The following CSMD1 variants were observed in gnomAD, a reference collection of about 807,000 sequenced individuals.
The protein encoded by CSMD1 is CUB and Sushi multiple domains 1.
Under a neutral mutation model 417.5 loss-of-function variants are expected in CSMD1, and 213 were observed. The ratio of observed to expected loss-of-function variants is 0.51; its 90% CI spans 0.46 to 0.57. The LOEUF is 0.57. Ranked by LOEUF, CSMD1 falls within the 20% of genes least tolerant of loss-of-function variation. CSMD1 has a pLI of 0.00. For synonymous variants in CSMD1, 2,862 were observed against 1,736.8 expected (o/e 1.65, Z -16.11); for missense variants, 6,923 against 4,529.7 (o/e 1.53, Z -15.17).
chr8:4,641,881 T>G (rs1803216310), intron 1 of CSMD1, among the ~76,000 whole-genome samples: 1 of 152,204 alleles, frequency 6.6e-6, no homozygotes, highest in Non-Finnish European at 1.5e-5. Flanking sequence ...AAGTAGCAAT[T>G]GGAAACATAA....
intron 3 of CSMD1, among the ~76,000 whole-genome samples, chr8:4,063,619 C>T (rs2432745): frequency 0.83 from 125,924 of 152,116 alleles, 52,197 homozygotes; most frequent in Admixed American, 0.88. Context: ...TCCAGTTCAG[C>T]GGCTTCCAGC....
At chr8:3,338,119 T>G (rs1807392895) in intron 23 of CSMD1, among the ~76,000 whole-genome samples, 1 of 152,168 alleles carries the variant, frequency 6.6e-6, no homozygotes, top group Admixed American at 6.5e-5. Flanking sequence ...AAGGACCCCC[T>G]TGAGGAGTCT....
intron 5 of CSMD1, among the ~76,000 whole-genome samples, chr8:3,774,001 A>C (rs377398250): frequency 5.5e-4 from 84 of 152,232 alleles, no homozygotes; most frequent in African/African-American, 1.1e-3. Context: ...TAATTCTTTT[A>C]CTTACACAGT....
chr8:3,548,120 A>G (rs970322669), intron 10 of CSMD1, among the ~76,000 whole-genome samples: 3 of 152,174 alleles, frequency 2.0e-5, no homozygotes, highest in Admixed American at 6.5e-5. Context: ...AAGAGCACTG[A>G]TAATTATTGC....
chr8:3,635,793 C>CAAAAAAAAAAAAAAAAAAAAAAAAA (rs752552617), intron 7 of CSMD1, among the ~76,000 whole-genome samples: 4 of 99,278 alleles, frequency 4.0e-5, no homozygotes, highest in Admixed American at 1.0e-4. Flanking sequence ...GCTTCCATCT[C>CAAAAAAAAAAAAAAAAAAAAAAAAA]AAAAAAAAAA....
At chr8:3,576,856 T>C (rs894652677) in intron 9 of CSMD1, among the ~76,000 whole-genome samples, 2 of 152,238 alleles carry the variant, frequency 1.3e-5, no homozygotes, top group Non-Finnish European at 2.9e-5. Flanking sequence ...AAAAAAGTGA[T>C]AATAAACTCT....
intron 7 of CSMD1, among the ~76,000 whole-genome samples, chr8:3,663,806 G>C (rs1252830234): frequency 2.6e-5 from 4 of 152,126 alleles, no homozygotes; most frequent in African/African-American, 9.7e-5. Flanking sequence ...CCTAAAATGT[G>C]TAAAGCCAAA....
At chr8:4,282,759 G>A (rs986303926) in intron 3 of CSMD1, among the ~76,000 whole-genome samples, 4 of 152,106 alleles carry the variant, frequency 2.6e-5, no homozygotes, top group African/African-American at 9.7e-5. Context: ...TGTTTAAATG[G>A]TAGTATTTTG....
At chr8:4,975,237 T>G (rs1451928784) in intron 1 of CSMD1, among the ~76,000 whole-genome samples, 1 of 152,178 alleles carries the variant, frequency 6.6e-6, no homozygotes. Context: ...AGAAAAAAAG[T>G]CTCCAAGGAT....
intron 2 of CSMD1, among the ~76,000 whole-genome samples, chr8:4,432,536 T>A (rs1340880123): frequency 2.0e-5 from 3 of 152,118 alleles, no homozygotes. Context: ...AACACTGTAT[T>A]CTCACAACAT....
At chr8:3,451,718 G>T (rs1157734791) in intron 12 of CSMD1, among the ~76,000 whole-genome samples, 1 of 152,188 alleles carries the variant, frequency 6.6e-6, no homozygotes, top group Non-Finnish European at 1.5e-5. Flanking sequence ...GGTTACGGTA[G>T]CCTTGTAATA....
chr8:4,324,921 G>A (rs991331737), intron 3 of CSMD1, among the ~76,000 whole-genome samples: 2 of 152,072 alleles, frequency 1.3e-5, no homozygotes, highest in Non-Finnish European at 2.9e-5. Context: ...TCTAGGTATG[G>A]GGCCTCTTCA....
chr8:4,492,383 G>C (rs1015790915), intron 2 of CSMD1, among the ~76,000 whole-genome samples: 1 of 152,146 alleles, frequency 6.6e-6, no homozygotes, highest in Non-Finnish European at 1.5e-5. Context: ...CAGTCTGTAG[G>C]ATGCCAAATA....
chr8:3,994,099 G>C (rs1416340171), intron 5 of CSMD1, among the ~76,000 whole-genome samples: 1 of 152,194 alleles, frequency 6.6e-6, no homozygotes, highest in African/African-American at 2.4e-5. Flanking sequence ...GTCTCAGGGA[G>C]CTGAAGCTCA....
intron 3 of CSMD1, among the ~76,000 whole-genome samples, chr8:4,384,917 C>T (rs532304170): frequency 5.3e-5 from 8 of 152,274 alleles, no homozygotes; most frequent in South Asian, 4.1e-4. Context: ...GGATGGCTTC[C>T]AGATCAAGGT....
chr8:4,746,279 T>C (rs1386671558), intron 1 of CSMD1, among the ~76,000 whole-genome samples: 1 of 152,238 alleles, frequency 6.6e-6, no homozygotes, highest in African/African-American at 2.4e-5. Flanking sequence ...GGTGACGTAC[T>C]TAGAGCCTGG....
intron 55 of CSMD1, among the ~76,000 whole-genome samples, chr8:2,975,606 T>A (rs899086089): frequency 2.6e-5 from 4 of 152,168 alleles, no homozygotes; most frequent in African/African-American, 7.2e-5. Flanking sequence ...TTTATCCACA[T>A]AGAGTCCTTA....
intron 8 of CSMD1, among the ~76,000 whole-genome samples, chr8:3,600,984 G>C (rs184505816): frequency 5.9e-5 from 9 of 152,244 alleles, no homozygotes; most frequent in Middle Eastern, 3.4e-3. Context: ...CTATTCCAAG[G>C]GGGTCTCTGT....
intron 5 of CSMD1, among the ~76,000 whole-genome samples, chr8:3,772,413 T>TTATATATATACATATATACATA (rs1798638979): frequency 1.1e-5 from 1 of 91,696 alleles, no homozygotes; most frequent in African/African-American, 4.3e-5. Flanking sequence ...ATACATATAT[T>TTATATATATACATATATACATA]TATATATACA....
Sources: gnomAD v4.1 joint callset for allele counts (sites outside exome capture counted in the v4.1 genomes callset) on GRCh38, gnomAD v4.1.1 for gene constraint, MANE v1.5 for transcripts, NCBI Gene and HGNC (gene_info 2026-07-23, HGNC 2026-07-21) for gene names.